The following BNC2 variants were observed in gnomAD, a reference collection of about 807,000 sequenced individuals.
BNC2 encodes zinc finger protein basonuclin-2.
In BNC2, 20 loss-of-function variants were observed where a neutral mutation model predicts 76.3. That is an observed-to-expected ratio of 0.26 (90% CI 0.18 to 0.38). The LOEUF is 0.38. Ranked by LOEUF, BNC2 falls within the 10% of genes least tolerant of loss-of-function variation. The pLI is 1.00. For missense variants in BNC2, 1,382 were observed against 1,399.8 expected (o/e 0.99, Z 0.20); for synonymous variants, 582 against 514.8 (o/e 1.13, Z -1.77).
intron 3 of BNC2, among the ~76,000 whole-genome samples, chr9:16,713,123 A>G (rs933396339): frequency 6.6e-6 from 1 of 152,158 alleles, no homozygotes; most frequent in Non-Finnish European, 1.5e-5. Context: ...AGCATTAGCA[A>G]TTTTACAGTT....
chr9:16,831,466 G>C (rs547302601), intron 1 of BNC2, among the ~76,000 whole-genome samples: 177 of 152,310 alleles, frequency 1.2e-3, no homozygotes, highest in African/African-American at 4.2e-3. Context: ...AACAGAACTT[G>C]CAGCTAACTT....
intron 3 of BNC2, among the ~76,000 whole-genome samples, chr9:16,689,283 A>T (rs1823079753): frequency 6.6e-6 from 1 of 152,174 alleles, no homozygotes; most frequent in African/African-American, 2.4e-5. Flanking sequence ...TGGCTGTGAA[A>T]AATGGGTGGC....
intron 4 of BNC2, among the ~76,000 whole-genome samples, chr9:16,564,466 C>T (rs12338548): frequency 0.19 from 28,915 of 152,054 alleles, 4,973 homozygotes; most frequent in African/African-American, 0.46. Flanking sequence ...GCAAAATCAA[C>T]GAGATTCAGA....
intron 1 of BNC2, among the ~76,000 whole-genome samples, chr9:16,861,362 A>C (rs1270405565): frequency 6.6e-6 from 1 of 151,844 alleles, no homozygotes; most frequent in Non-Finnish European, 1.5e-5. Context: ...TGTCTCTTTA[A>C]AAATAAATAA....
chr9:16,767,117 G>C (rs775537641), intron 1 of BNC2, among the ~76,000 whole-genome samples: 3 of 152,186 alleles, frequency 2.0e-5, no homozygotes, highest in Non-Finnish European at 4.4e-5. Context: ...TAGGAAGATC[G>C]TAAGAGTGAG....
intron 3 of BNC2, among the ~76,000 whole-genome samples, chr9:16,685,819 C>T (rs1367923746): frequency 6.6e-6 from 1 of 152,078 alleles, no homozygotes; most frequent in Non-Finnish European, 1.5e-5. Flanking sequence ...TTATTAACTA[C>T]CAGAAGGTAA....
intron 1 of BNC2, among the ~76,000 whole-genome samples, chr9:16,744,309 T>G (rs1438305904): frequency 6.6e-6 from 1 of 152,122 alleles, no homozygotes; most frequent in Non-Finnish European, 1.5e-5. Context: ...TTTATGCTGG[T>G]ATGAAAAAGT....
chr9:16,700,776 A>G (rs1166313994), intron 3 of BNC2, among the ~76,000 whole-genome samples: 1 of 152,126 alleles, frequency 6.6e-6, no homozygotes, highest in East Asian at 1.9e-4. Flanking sequence ...CCTGGCTAAC[A>G]TGGTGAAACC....
At chr9:16,819,291 C>A (rs1237138459) in intron 1 of BNC2, among the ~76,000 whole-genome samples, 1 of 152,154 alleles carries the variant, frequency 6.6e-6, no homozygotes, top group Non-Finnish European at 1.5e-5. Flanking sequence ...AATGTGTCAT[C>A]GTTTTTAATA....
At chr9:16,738,553 C>G (rs1278486437) in intron 1 of BNC2, 68 bp from the exon 2 acceptor site, 1 of 1,278,270 alleles carries the variant, frequency 7.8e-7, no homozygotes. Context: ...TTGAGTACAT[C>G]AAAACTTTAA....
chr9:16,571,950 G>T (rs116978165), intron 4 of BNC2, among the ~76,000 whole-genome samples: 1 of 152,090 alleles, frequency 6.6e-6, no homozygotes, highest in Non-Finnish European at 1.5e-5. Flanking sequence ...GTCGCTTTTG[G>T]CATGTCAGAA....
intron 5 of BNC2, among the ~76,000 whole-genome samples, chr9:16,520,752 G>A (rs1323689266): frequency 6.6e-6 from 1 of 152,164 alleles, no homozygotes; most frequent in Non-Finnish European, 1.5e-5. Context: ...AGGTTCCACT[G>A]TACCTGCATA....
At chr9:16,470,511 CAGGCCCAG>C in intron 5 of BNC2, among the ~76,000 whole-genome samples, 1 of 152,328 alleles carries the variant, frequency 6.6e-6, no homozygotes, top group East Asian at 1.9e-4. Context: ...CCTCCCATCA[CAGGCCCAG>C]AGGCCCAGAA....
intron 3 of BNC2, among the ~76,000 whole-genome samples, chr9:16,688,068 C>T (rs1223904239): frequency 6.6e-6 from 1 of 151,934 alleles, no homozygotes; most frequent in Non-Finnish European, 1.5e-5. Flanking sequence ...AAGTTGACTC[C>T]CATATTCTAA....
intron 1 of BNC2, among the ~76,000 whole-genome samples, chr9:16,759,386 T>G (rs745375081): frequency 6.6e-6 from 1 of 152,244 alleles, no homozygotes; most frequent in African/African-American, 2.4e-5. Flanking sequence ...TGGTAACTTT[T>G]AAGATTTCAG....
At chr9:16,720,515 A>C (rs1318257506) in intron 3 of BNC2, among the ~76,000 whole-genome samples, 1 of 152,216 alleles carries the variant, frequency 6.6e-6, no homozygotes, top group Non-Finnish European at 1.5e-5. Context: ...ATAACATTAC[A>C]GTTCAAAAGC....
chr9:16,488,461 T>C (rs1822210360), intron 5 of BNC2, among the ~76,000 whole-genome samples: 1 of 152,162 alleles, frequency 6.6e-6, no homozygotes, highest in African/African-American at 2.4e-5. Context: ...TTAAGCAACT[T>C]TGTAGGAATA....
At chr9:16,768,390 A>G (rs1451083852) in intron 1 of BNC2, among the ~76,000 whole-genome samples, 1 of 152,200 alleles carries the variant, frequency 6.6e-6, no homozygotes, top group Non-Finnish European at 1.5e-5. Flanking sequence ...GAAGATGGTG[A>G]GAAAACGGGA....
At chr9:16,767,990 A>C (rs1473190909) in intron 1 of BNC2, among the ~76,000 whole-genome samples, 3 of 146,156 alleles carry the variant, frequency 2.1e-5, no homozygotes, top group Non-Finnish European at 4.5e-5. Context: ...TTTTTAGATG[A>C]AGTTTTGTTC....
Sources: allele counts gnomAD v4.1 joint callset (sites outside exome capture counted in the v4.1 genomes callset), GRCh38; gene constraint gnomAD v4.1.1; transcripts MANE v1.5; gene names NCBI Gene and HGNC (gene_info 2026-07-23, HGNC 2026-07-21).